The following STK33 variants were observed in gnomAD, a reference collection of about 807,000 sequenced individuals.
The protein encoded by STK33 is serine/threonine-protein kinase 33.
STK33 carries 52 observed loss-of-function variants against 58.0 expected under a neutral mutation model. The observed-to-expected ratio is 0.90, with a 90% CI of 0.72 to 1.13. The LOEUF (loss-of-function observed/expected upper bound fraction) is 1.13, where lower values mean the gene tolerates loss of function less well. Among genes scored for constraint, STK33 ranks in the 50% most tolerant of loss-of-function variants. The probability of loss-of-function intolerance (pLI) is 0.00; values close to 1 mark genes in which losing one functional copy is unlikely to be tolerated. For missense variants in STK33, 630 were observed against 604.2 expected, an observed-to-expected ratio of 1.04 and a Z score of -0.45; for synonymous variants, 215 against 200.1, an observed-to-expected ratio of 1.07 and a Z score of -0.63.
At chr11:8,401,364 A>G (rs983661786) in intron 15 of STK33, among the ~76,000 whole-genome samples, 11 of 151,402 alleles carry the variant, frequency 7.3e-5, no homozygotes, top group Admixed American at 4.0e-4. Context: ...AACAAGAAAT[A>G]GGGAAACGAT....
At chr11:8,537,270 A>G (rs1002703693) in intron 1 of STK33, among the ~76,000 whole-genome samples, 1 of 151,804 alleles carries the variant, frequency 6.6e-6, no homozygotes, top group African/African-American at 2.4e-5. Flanking sequence ...ATGAGCCACC[A>G]TGCCTGGCAG....
intron 15 of STK33, among the ~76,000 whole-genome samples, chr11:8,396,916 G>T (rs933306742): frequency 6.6e-6 from 1 of 152,220 alleles, no homozygotes; most frequent in Non-Finnish European, 1.5e-5. Flanking sequence ...GGCTGGGAGA[G>T]GGGCGCCCGC....
chr11:8,499,183 T>G (rs962755423), intron 1 of STK33, among the ~76,000 whole-genome samples: 6 of 152,124 alleles, frequency 3.9e-5, no homozygotes, highest in Admixed American at 3.3e-4. Context: ...AATCTACCTA[T>G]CTGACAAAGG....
intron 1 of STK33, among the ~76,000 whole-genome samples, chr11:8,516,290 G>C (rs1393913720): frequency 6.6e-6 from 1 of 152,186 alleles, no homozygotes; most frequent in Non-Finnish European, 1.5e-5. Flanking sequence ...AAGATGCTAA[G>C]AATACACAAT....
At chr11:8,455,547 G>A (rs867463432) in intron 9 of STK33, among the ~76,000 whole-genome samples, 4 of 152,082 alleles carry the variant, frequency 2.6e-5, no homozygotes, top group African/African-American at 9.7e-5. Context: ...AGTGGCTTGC[G>A]CCTATAATCC....
chr11:8,388,173 AG>A, downstream of STK33, among the ~76,000 whole-genome samples: 1 of 139,748 alleles, frequency 7.2e-6, no homozygotes, highest in Middle Eastern at 3.6e-3. Flanking sequence ...GCAACAGGGA[AG>A]GGGAGGTCCT....
the STK33 span, among the ~76,000 whole-genome samples, chr11:8,346,165 G>T: frequency 2.0e-5 from 3 of 152,210 alleles, no homozygotes; most frequent in African/African-American, 4.8e-5. Context: ...GAACAGTGGG[G>T]AGTCATTACC....
At chr11:8,477,215 A>T (rs1487897933) in intron 3 of STK33, 35 bp downstream of exon 3, 1 of 151,862 alleles carries the variant, frequency 6.6e-6, no homozygotes, top group African/African-American at 2.4e-5. Flanking sequence ...GTTTTTCAAG[A>T]ATATGTAGCA....
chr11:8,526,724 A>G (rs1416080521), intron 1 of STK33, among the ~76,000 whole-genome samples: 3 of 151,876 alleles, frequency 2.0e-5, no homozygotes, highest in African/African-American at 7.3e-5. Context: ...TATAAATCTA[A>G]TGCAAGATGT....
intron 1 of STK33, among the ~76,000 whole-genome samples, chr11:8,518,144 T>G (rs1049965502): frequency 6.6e-6 from 1 of 152,166 alleles, no homozygotes; most frequent in Non-Finnish European, 1.5e-5. Flanking sequence ...GAGGATCTCT[T>G]GGCAGAAACT....
intron 15 of STK33, among the ~76,000 whole-genome samples, chr11:8,405,085 G>A (rs1938864790): frequency 6.6e-6 from 1 of 152,156 alleles, no homozygotes; most frequent in African/African-American, 2.4e-5. Flanking sequence ...GCAGTGAGCT[G>A]AGATTGCGCC....
intron 1 of STK33, among the ~76,000 whole-genome samples, chr11:8,575,611 G>A (rs1958125425): frequency 6.6e-6 from 1 of 152,164 alleles, no homozygotes; most frequent in African/African-American, 2.4e-5. Flanking sequence ...GAAGAATGGG[G>A]TGCTTAATGC....
chr11:8,352,530 C>G, the STK33 span, among the ~76,000 whole-genome samples: 3 of 151,986 alleles, frequency 2.0e-5, no homozygotes, highest in African/African-American at 7.2e-5. Flanking sequence ...GCAGGGGTGT[C>G]GATCAGAATA....
intron 6 of STK33, 179 bp from the exon 7 acceptor site, chr11:8,465,001 T>G: frequency 2.6e-6 from 1 of 388,730 alleles, no homozygotes; most frequent in Non-Finnish European, 4.5e-6. Flanking sequence ...TTAACCAAAA[T>G]AAGCGTTGAT....
chr11:8,344,229 A>ACACACACACACACACC, the STK33 span, among the ~76,000 whole-genome samples: 626 of 150,446 alleles, frequency 4.2e-3, 3 homozygotes, highest in Non-Finnish European at 7.3e-3. Context: ...ACACACACAC[A>ACACACACACACACACC]CCCCAGTTAG....
Position 8,392,131 on chromosome 11 carries a change from C to G in STK33, c.*379G>C. On this transcript the variant is annotated 3_prime_UTR_variant, in exon 16 of 16. Coordinates refer to ENST00000687296, the MANE Select transcript of STK33 (RefSeq NM_001352389.2). ...ACATAATTATTTGGCACCTCCATTA[C>G]TATATTTGGCCTCTTGTTTTCCCCT... 4.8e-6 allele frequency: 1 copy of G among 209,862 alleles called. No homozygotes were observed. 13.0% of individuals were successfully genotyped at this position (209,862 alleles called of 1,614,324 possible).
At chr11:8,442,405 G>A (rs1438050821) in intron 11 of STK33, among the ~76,000 whole-genome samples, 1 of 152,158 alleles carries the variant, frequency 6.6e-6, no homozygotes, top group Non-Finnish European at 1.5e-5. Flanking sequence ...GCAGGGGACG[G>A]GAAATCCTGG....
At chr11:8,571,732 C>T (rs1408845937) in intron 1 of STK33, among the ~76,000 whole-genome samples, 2 of 151,328 alleles carry the variant, frequency 1.3e-5, no homozygotes, top group South Asian at 4.1e-4. Flanking sequence ...ACTCAGCAGG[C>T]TGAGGCAGGA....
At position 8,534,820 on chromosome 11, in the gene STK33, A is replaced by G. The variant is rs374328935; in HGVS notation, c.-465-54206T>C. Among the ~76,000 whole-genome samples the G allele has an allele frequency of 1.0e-3, 157 of 152,248 alleles. 1 individual carries two copies. Among genetic ancestry groups the G allele is most frequent in the African/African-American group, 3.5e-3 (147 of 41,542 alleles). The stretch of plus-strand genomic sequence containing the variant: ...AGAACTGCAATCTATAATACTCATA[A>G]ATGAAAGTGTATCCCTATAAAGTCC... On this transcript the variant is annotated intron_variant, in intron 1 of 15. Transcript: ENST00000687296.
Sources: gnomAD v4.1 joint callset for allele counts (sites outside exome capture counted in the v4.1 genomes callset) on GRCh38, gnomAD v4.1.1 for gene constraint, MANE v1.5 for transcripts, NCBI Gene and HGNC (gene_info 2026-07-23, HGNC 2026-07-21) for gene names.